The following PCAT7 variants were observed in gnomAD, a reference collection of about 807,000 sequenced individuals.
PCAT7 encodes the protein prostate cancer associated transcript 7 (non-protein coding).
intron 2 of PCAT7, among the ~76,000 whole-genome samples, chr9:94,571,129 G>T (rs112655550): frequency 6.6e-5 from 10 of 152,300 alleles, no homozygotes; most frequent in African/African-American, 2.4e-4. Flanking sequence ...CCATGCTTCT[G>T]CTGGAAATTT....
At chr9:94,559,010 G>A in exon 2 of PCAT7, 1 of 1,614,136 alleles carries the variant, frequency 6.2e-7, no homozygotes, top group Non-Finnish European at 8.5e-7. Context: ...CCAGAATGAG[G>A]GGGACTCGCT....
intron 2 of PCAT7, among the ~76,000 whole-genome samples, chr9:94,560,675 A>AT (rs1827084234): frequency 6.8e-6 from 1 of 147,540 alleles, no homozygotes; most frequent in Non-Finnish European, 1.5e-5. Context: ...TATTATGGTA[A>AT]TTTTTTTCTA....
chr9:94,572,368 A>G (rs1827278678), intron 2 of PCAT7, among the ~76,000 whole-genome samples: 1 of 152,182 alleles, frequency 6.6e-6, no homozygotes, highest in African/African-American at 2.4e-5. Flanking sequence ...GGATAGATTC[A>G]TAGATTAGTG....
At chr9:94,566,873 C>A (rs991021218) in intron 2 of PCAT7, among the ~76,000 whole-genome samples, 12 of 152,220 alleles carry the variant, frequency 7.9e-5, no homozygotes, top group Non-Finnish European at 7.4e-5. Context: ...CTTTTAATTT[C>A]ATTTTTCCAT....
intron 1 of PCAT7, among the ~76,000 whole-genome samples, chr9:94,558,528 C>T (rs544841911): frequency 9.9e-5 from 15 of 152,230 alleles, no homozygotes; most frequent in Admixed American, 8.5e-4. Flanking sequence ...CTCCTGACCC[C>T]GTGATCCGCT....
At chr9:94,569,931 G>C (rs1827248763) in intron 2 of PCAT7, 1 of 152,332 alleles carries the variant, frequency 6.6e-6, no homozygotes, top group East Asian at 1.9e-4. Flanking sequence ...TTCTATCTGT[G>C]ACAACTGCCA....
chr9:94,556,892 T>G (rs1346074390), intron 1 of PCAT7, among the ~76,000 whole-genome samples: 1 of 152,248 alleles, frequency 6.6e-6, no homozygotes, highest in East Asian at 1.9e-4. Context: ...TGTATTCTTG[T>G]ACATGTGGGT....
chr9:94,555,960 G>A (rs1466253059), intron 1 of PCAT7, among the ~76,000 whole-genome samples: 2 of 150,768 alleles, frequency 1.3e-5, no homozygotes, highest in African/African-American at 4.9e-5. Flanking sequence ...GTGGGAAGCA[G>A]GGGCAGACTT....
intron 1 of PCAT7, among the ~76,000 whole-genome samples, chr9:94,555,729 C>G (rs530119525): frequency 2.0e-5 from 3 of 148,896 alleles, no homozygotes; most frequent in Non-Finnish European, 4.4e-5. Context: ...CAAGGTTTTG[C>G]GAAAAAACAG....
chr9:94,563,471 A>C (rs1171988797), intron 2 of PCAT7: 27 of 1,611,582 alleles, frequency 1.7e-5, no homozygotes, highest in Non-Finnish European at 2.3e-5. Flanking sequence ...CCTAGAAGAC[A>C]GAAAGCGAAG....
intron 2 of PCAT7, among the ~76,000 whole-genome samples, chr9:94,561,312 A>G (rs1319332719): frequency 6.9e-6 from 1 of 145,474 alleles, no homozygotes; most frequent in Non-Finnish European, 1.5e-5. Context: ...CCAGGGCTTC[A>G]TGGCACCTTG....
chr9:94,554,898 G>C (rs1327629664), upstream of PCAT7, among the ~76,000 whole-genome samples: 8 of 152,104 alleles, frequency 5.3e-5, no homozygotes, highest in Non-Finnish European at 1.2e-4. Flanking sequence ...ATGACGCGCC[G>C]CTGCCTCAGC....
chr9:94,572,868 TTA>T (rs1247886581), intron 2 of PCAT7: 1 of 152,238 alleles, frequency 6.6e-6, no homozygotes, highest in Non-Finnish European at 1.5e-5. Context: ...TAATTACGAA[TTA>T]GTTTATTGCT....
chr9:94,565,732 TAGATGATA>T (rs1295174022), intron 2 of PCAT7, among the ~76,000 whole-genome samples: 6 of 85,026 alleles, frequency 7.1e-5, no homozygotes, highest in Admixed American at 1.8e-4. Context: ...TATAGGTAGA[TAGATGATA>T]GATAGATAGA....
rs1270335098 is a variant in PCAT7 at position 94,558,853 on chromosome 9, T to G, written n.258-116T>G. ...AGTGGATTTACCTTTTGTATACTCA[T>G]AGCTACCATCTCTGTTTATCGTTCA... On this transcript the variant is annotated intron_variant and non_coding_transcript_variant, in intron 1 of 8. Transcript: ENST00000647389. 21 of 1,288,806 alleles carry G rather than the reference T, an allele frequency of 1.6e-5. No individual in the cohort carries two copies. In the East Asian group the frequency reaches 2.6e-4, roughly 16 times the overall value. The allele number at this position is 1,288,806 out of a possible 1,614,324, so 79.8% of individuals were successfully genotyped here. A position where few individuals can be genotyped will look rare whatever the true frequency, so the allele number is the denominator to read the frequency against.
intron 1 of PCAT7, among the ~76,000 whole-genome samples, chr9:94,557,275 T>G (rs2131435096): frequency 6.6e-6 from 1 of 152,364 alleles, no homozygotes; most frequent in African/African-American, 2.4e-5. Context: ...TGTCTTGTAG[T>G]TGAACACAGA....
intron 2 of PCAT7, chr9:94,563,299 C>T: frequency 6.2e-7 from 1 of 1,600,318 alleles, no homozygotes; most frequent in Non-Finnish European, 8.5e-7. Context: ...AGCTCCCCCA[C>T]CTCCCTGACC....
chr9:94,555,561 A>G (rs192940363), intron 1 of PCAT7, among the ~76,000 whole-genome samples: 72 of 145,186 alleles, frequency 5.0e-4, no homozygotes, highest in Non-Finnish European at 9.2e-4. Context: ...GAAGGTGGCA[A>G]TTGGGAAGAG....
intron 2 of PCAT7, chr9:94,571,731 C>A: frequency 2.5e-6 from 2 of 813,568 alleles, no homozygotes; most frequent in Non-Finnish European, 3.7e-6. Context: ...TAAGCTGCTG[C>A]AAATCCATCC....
Sources: gnomAD v4.1 joint callset for allele counts (sites outside exome capture counted in the v4.1 genomes callset) on GRCh38, gnomAD v4.1.1 for gene constraint, MANE v1.5 for transcripts, NCBI Gene and HGNC (gene_info 2026-07-23, HGNC 2026-07-21) for gene names.